Variants in TEX12 observed in about 807,000 individuals in gnomAD.
TEX12 encodes the protein testis expressed 12.
A neutral mutation model predicts 14.6 loss-of-function variants in TEX12; 7 were observed. The observed-to-expected ratio is 0.48, with a 90% CI of 0.27 to 0.90. The LOEUF is 0.90. Among genes scored for constraint, TEX12 ranks in the 40% least tolerant of loss-of-function variants. The pLI, the probability that TEX12 is intolerant of heterozygous loss-of-function variation, is 0.12. For missense variants in TEX12, 121 were observed against 135.7 expected (o/e 0.89, Z 0.54); for synonymous variants, 57 against 49.1 (o/e 1.16, Z -0.67).
At chr11:112,170,596 A>G (rs1866778441) in intron 3 of TEX12, 27 bp from the exon 4 acceptor site, 1 of 1,602,828 alleles carries the variant, frequency 6.2e-7, no homozygotes, top group African/African-American at 1.3e-5. Context: ...GTTATATTTT[A>G]TAACTTAAAT....
In TEX12 at chr11:112,170,482, A is replaced by G; in HGVS notation, c.127A>G (p.Ile43Val). ...AAAATCAGATTCATCTTTCTCTGAAATTTCCGGACTATTTTATAAAGATGA... is the reference window on the plus strand; with the variant it reads ...AAAATCAGATTCATCTTTCTCTGAAGTTTCCGGACTATTTTATAAAGATGA... Reference protein sequence around the residue: ...LGKSDSSFSEISGLFYKDEAL... With the variant: ...LGKSDSSFSEVSGLFYKDEAL... The change falls in exon 3 of 5, where the codon ATT becomes GTT. Residue 43 changes from isoleucine (I) to valine (V), a missense_variant. Coordinates refer to ENST00000280358, the MANE Select transcript of TEX12 (RefSeq NM_031275.4). 1.2e-6 allele frequency: 2 copies of G among 1,613,758 alleles called. No homozygotes were observed. The highest frequency in any genetic ancestry group is 1.7e-6 in the Non-Finnish European group (2 of 1,179,804).
At position 112,170,342 on chromosome 11, in the gene TEX12, T is replaced by A; in HGVS notation, c.64-77T>A. 3.9e-6 allele frequency: 4 copies of A among 1,024,102 alleles called. No individual in the cohort carries two copies. In the East Asian group the frequency reaches 9.9e-5, roughly 25 times the overall value. 63.4% of individuals were successfully genotyped at this position (1,024,102 alleles called of 1,614,324 possible). Reference sequence around the variant, plus strand: ...TTTTTCTGAAAAATGTTTTATTTGCTTTTTCTTAATAAACAAAATGTATAT... The same window carrying A: ...TTTTTCTGAAAAATGTTTTATTTGCATTTTCTTAATAAACAAAATGTATAT... On this transcript the variant is annotated intron_variant, in intron 2 of 4. Coordinates refer to ENST00000280358, the MANE Select transcript of TEX12 (RefSeq NM_031275.4).
chr11:112,171,923 T>C lies in TEX12; in HGVS notation c.*7T>C. 6.8e-7 allele frequency: 1 copy of C among 1,461,872 alleles called. No homozygotes were observed. The highest frequency in any genetic ancestry group is 2.5e-5 in the Admixed American group (1 of 39,636). The allele number at this position is 1,461,872 out of a possible 1,614,324, so 90.6% of individuals were successfully genotyped here. On this transcript the variant is annotated 3_prime_UTR_variant, in exon 5 of 5. Coordinates refer to ENST00000280358, the MANE Select transcript of TEX12 (RefSeq NM_031275.4). ...AAACACATTACACAGATAAAATATA[T>C]ACTTGAAATAAGCTGAGAATTTAAA... is the stretch of plus-strand genomic sequence containing the variant.
rs553858887 is a variant in TEX12 at position 112,171,997 on chromosome 11, C to G, written c.*81C>G. ...ATGACATTTATGCTTTGAAAGCTCTCGAGTTGTTAAAGAAAATGTATATCT... is the reference window on the plus strand; with the variant it reads ...ATGACATTTATGCTTTGAAAGCTCTGGAGTTGTTAAAGAAAATGTATATCT... On this transcript the variant is annotated 3_prime_UTR_variant, in exon 5 of 5. Transcript: ENST00000280358. 1 of 1,134,332 alleles carries G rather than the reference C, an allele frequency of 8.8e-7. No individual in the cohort carries two copies. The highest frequency in any genetic ancestry group is 2.9e-5 in the East Asian group (1 of 34,474). The allele number at this position is 1,134,332 out of a possible 1,614,324, so 70.3% of individuals were successfully genotyped here. A position where few individuals can be genotyped will look rare whatever the true frequency, so the allele number is the denominator to read the frequency against.
intron 4 of TEX12, 70 bp from the exon 5 acceptor site, chr11:112,171,702 G>A (rs1021088686): frequency 7.4e-6 from 7 of 945,366 alleles, no homozygotes; most frequent in African/African-American, 1.7e-5. Flanking sequence ...CAAATATTGT[G>A]TAATGAAGAA....
intron 4 of TEX12, 152 bp downstream of exon 4, chr11:112,170,826 G>T: frequency 3.4e-6 from 2 of 587,728 alleles, no homozygotes; most frequent in Non-Finnish European, 2.9e-6. Context: ...TAATAGATTA[G>T]TTGGTTATTT....
At chr11:112,171,054 A>C (rs1464631039) in intron 4 of TEX12, among the ~76,000 whole-genome samples, 1 of 152,116 alleles carries the variant, frequency 6.6e-6, no homozygotes, top group Non-Finnish European at 1.5e-5. Flanking sequence ...TTTCATATCC[A>C]TGAATTCTGA....
Position 112,170,494 on chromosome 11 carries a change from T to G in TEX12, c.139T>G (p.Phe47Val). The change falls in exon 3 of 5, where the codon TTT becomes GTT. Residue 47 changes from phenylalanine (F) to valine (V), a missense_variant. Physicochemically the swap from Phe to Val is conservative, Grantham distance 50 (BLOSUM62 -1). Transcript: ENST00000280358. ...ATCTTTCTCTGAAATTTCCGGACTA[T>G]TTTATAAAGATGAAGCCTTGGAGAA... ...DSSFSEISGLFYKDEALEKDL... is the reference protein window; with the variant it reads ...DSSFSEISGLVYKDEALEKDL... 6.2e-7 allele frequency: 1 copy of G among 1,613,532 alleles called. No homozygotes were observed.
intron 2 of TEX12, among the ~76,000 whole-genome samples, chr11:112,169,547 G>A (rs1866766722): frequency 6.6e-6 from 1 of 152,074 alleles, no homozygotes; most frequent in Non-Finnish European, 1.5e-5. Flanking sequence ...TTTCTTTTTG[G>A]TAGCTTGAGA....
At chr11:112,170,071 T>C (rs1425799756) in intron 2 of TEX12, among the ~76,000 whole-genome samples, 1 of 152,154 alleles carries the variant, frequency 6.6e-6, no homozygotes, top group Non-Finnish European at 1.5e-5. Flanking sequence ...TCCTAGCTAC[T>C]CAGGAGTCTG....
intron 2 of TEX12, 140 bp from the exon 3 acceptor site, chr11:112,170,279 T>G (rs1433128968): frequency 5.7e-6 from 3 of 522,900 alleles, no homozygotes; most frequent in Middle Eastern, 9.3e-4. Context: ...TAATAAAAAC[T>G]CAAATGACTA....
intron 2 of TEX12, among the ~76,000 whole-genome samples, chr11:112,170,081 G>A (rs906816014): frequency 2.0e-5 from 3 of 152,326 alleles, no homozygotes; most frequent in African/African-American, 7.2e-5. Context: ...TCAGGAGTCT[G>A]AGACAGGAGG....
At chr11:112,170,806 C>A in intron 4 of TEX12, 132 bp downstream of exon 4, 1 of 649,180 alleles carries the variant, frequency 1.5e-6, no homozygotes, top group Non-Finnish European at 2.6e-6. Flanking sequence ...TATTCTACCT[C>A]AGTCCCTTAT....
At chr11:112,169,416 A>G (rs1207125547) in intron 2 of TEX12, 85 bp downstream of exon 2, 4 of 1,027,454 alleles carry the variant, frequency 3.9e-6, no homozygotes, top group East Asian at 2.4e-5. Context: ...AGCTCTATAG[A>G]TAAGTGGGAT....
chr11:112,170,006 GAAAAC>G (rs527863926), intron 2 of TEX12, among the ~76,000 whole-genome samples: 1 of 152,078 alleles, frequency 6.6e-6, no homozygotes, highest in African/African-American at 2.4e-5. Context: ...CATTGTCTCT[GAAAAC>G]AAAACAAAAC....
At chr11:112,169,824 A>C (rs1866769870) in intron 2 of TEX12, among the ~76,000 whole-genome samples, 1 of 152,184 alleles carries the variant, frequency 6.6e-6, no homozygotes, top group African/African-American at 2.4e-5. Flanking sequence ...GAAAACATCT[A>C]CTGGTTCAAG....
At position 112,169,306 on chromosome 11, in the gene TEX12, A is replaced by G. The variant is rs772070939; in HGVS notation, c.38A>G (p.Asn13Ser). ...ANHLVKPDNR[N>S]CKRPRELESP... is the part of the protein sequence containing the mutation. ...CACCTTGTAAAGCCTGATAATAGAAATTGCAAGAGGCCAAGAGAATTGGAG... is the reference window on the plus strand; with the variant it reads ...CACCTTGTAAAGCCTGATAATAGAAGTTGCAAGAGGCCAAGAGAATTGGAG... The change falls in exon 2 of 5, where the codon AAT becomes AGT. Residue 13 changes from asparagine to serine, a missense_variant. Coordinates refer to ENST00000280358, the MANE Select transcript of TEX12 (RefSeq NM_031275.4). 1 of 1,613,800 alleles carries G rather than the reference A, an allele frequency of 6.2e-7. No homozygotes were observed. The highest frequency in any genetic ancestry group is 1.1e-5 in the South Asian group (1 of 91,084).
chr11:112,168,586 C>G (rs1272934094), intron 1 of TEX12, among the ~76,000 whole-genome samples: 12 of 151,166 alleles, frequency 7.9e-5, no homozygotes, highest in Non-Finnish European at 1.6e-4. Flanking sequence ...GAGTCTCGCT[C>G]TGTTGCCCAG....
intron 2 of TEX12, 50 bp from the exon 3 acceptor site, chr11:112,170,369 T>C (rs1405851315): frequency 8.0e-7 from 1 of 1,251,454 alleles, no homozygotes; most frequent in Admixed American, 2.1e-5. Context: ...AATGTATATG[T>C]CCTGAAGATC....
Sources: gnomAD v4.1 joint callset for allele counts (sites outside exome capture counted in the v4.1 genomes callset) on GRCh38, gnomAD v4.1.1 for gene constraint, MANE v1.5 for transcripts, NCBI Gene and HGNC (gene_info 2026-07-23, HGNC 2026-07-21) for gene names.